Variants in OSBPL10 observed in about 807,000 individuals in gnomAD.
The protein encoded by OSBPL10 is oxysterol binding protein like 10, also known as oxysterol-binding protein-related protein 10.
In OSBPL10, 49 loss-of-function variants were observed where a neutral mutation model predicts 81.7. The ratio of observed to expected loss-of-function variants is 0.60; its 90% CI spans 0.48 to 0.76. The LOEUF is 0.76. OSBPL10 is among the 30% of genes least tolerant of loss of function. OSBPL10 has a pLI of 0.00. For synonymous variants in OSBPL10, 419 were observed against 383.6 expected, an observed-to-expected ratio of 1.09 and a Z score of -1.08; for missense variants, 923 against 987.8, an observed-to-expected ratio of 0.93 and a Z score of 0.88.
intron 4 of OSBPL10, among the ~76,000 whole-genome samples, chr3:31,812,608 G>T (rs1486894800): frequency 6.6e-6 from 1 of 151,700 alleles, no homozygotes; most frequent in African/African-American, 2.4e-5. Flanking sequence ...TTACTGTGAT[G>T]ATTTTTCTGT....
intron 2 of OSBPL10, among the ~76,000 whole-genome samples, chr3:32,034,503 G>A (rs1158872814): frequency 1.3e-5 from 2 of 151,298 alleles, no homozygotes; most frequent in Non-Finnish European, 2.9e-5. Context: ...AAAGCTCTGA[G>A]ACTTCCTAGA....
chr3:31,733,138 C>T, intron 6 of OSBPL10, 119 bp downstream of exon 6: 1 of 1,403,360 alleles, frequency 7.1e-7, no homozygotes, highest in Non-Finnish European at 9.7e-7. Context: ...GCAATTCTTC[C>T]ATTTTTTAAT....
intron 2 of OSBPL10, among the ~76,000 whole-genome samples, chr3:32,002,706 A>G (rs1699163563): frequency 6.6e-6 from 1 of 152,254 alleles, no homozygotes; most frequent in Admixed American, 6.5e-5. Context: ...TTTTAGAGAA[A>G]AAAGGTTTCT....
intron 2 of OSBPL10, among the ~76,000 whole-genome samples, chr3:31,992,054 G>A (rs1199876966): frequency 3.3e-5 from 5 of 151,310 alleles, no homozygotes; most frequent in Non-Finnish European, 7.4e-5. Context: ...GCTGAGGCAG[G>A]AGAATCACTT....
intron 1 of OSBPL10, among the ~76,000 whole-genome samples, chr3:31,968,861 G>C (rs879623537): frequency 2.6e-5 from 4 of 152,182 alleles, no homozygotes; most frequent in Non-Finnish European, 5.9e-5. Context: ...GCACTCATTA[G>C]CCAAGCTAAT....
chr3:31,893,935 G>A (rs1038276589), intron 1 of OSBPL10, among the ~76,000 whole-genome samples: 1 of 152,028 alleles, frequency 6.6e-6, no homozygotes, highest in African/African-American at 2.4e-5. Flanking sequence ...ACTGAATTGT[G>A]GTGATAGTTA....
At position 31,934,030 on chromosome 3, in the gene OSBPL10, G is replaced by A. The variant is rs1209359189; in HGVS notation, c.281+46869C>T. On this transcript the variant is annotated intron_variant, in intron 1 of 11. Transcript: ENST00000396556. ...TCCCCTACAAATTTTCAGAACAATT[G>A]TACTGTAAAGAAGGCATGAATAGGC... is the stretch of plus-strand genomic sequence containing the variant. Among the ~76,000 whole-genome samples the A allele has an allele frequency of 4.7e-5, 7 of 148,672 alleles. 1 individual carries two copies. The highest frequency in any genetic ancestry group is 7.5e-5 in the African/African-American group (3 of 40,098).
intron 3 of OSBPL10, among the ~76,000 whole-genome samples, chr3:31,872,053 T>G (rs1036759745): frequency 1.3e-5 from 2 of 152,232 alleles, no homozygotes; most frequent in Non-Finnish European, 2.9e-5. Context: ...TTTTCTTTTG[T>G]TGTTTGTGTT....
At chr3:31,961,523 TGTGTTAATA>T (rs1331303768) in intron 1 of OSBPL10, among the ~76,000 whole-genome samples, 4 of 152,266 alleles carry the variant, frequency 2.6e-5, no homozygotes, top group African/African-American at 9.6e-5. Flanking sequence ...AGAGAGTGTG[TGTGTTAATA>T]ATGTTAATAA....
rs80309348 is a variant in OSBPL10 at position 32,025,716 on chromosome 3, A to G, written n.298+20775T>C. On this transcript the variant is annotated intron_variant and non_coding_transcript_variant, in intron 2 of 3. Coordinates refer to the OSBPL10 transcript ENST00000479173. ...TATTTTTTCCAAGCCAGTAATTTACATCTTCCTAGGAATTTGTCTAATTCA... is the reference window on the plus strand; with the variant it reads ...TATTTTTTCCAAGCCAGTAATTTACGTCTTCCTAGGAATTTGTCTAATTCA... 6.3e-3 allele frequency among the ~76,000 whole-genome samples: 966 copies of G among 152,302 alleles called. 28 individuals are homozygous for G. In the East Asian group the frequency reaches 0.1, roughly 17 times the overall value.
intron 1 of OSBPL10, among the ~76,000 whole-genome samples, chr3:31,940,035 T>C (rs1697491437): frequency 6.6e-6 from 1 of 152,204 alleles, no homozygotes; most frequent in African/African-American, 2.4e-5. Context: ...CCATATATTC[T>C]TTAATAGACA....
chr3:31,674,465 T>C (rs1489906907), intron 8 of OSBPL10, among the ~76,000 whole-genome samples: 2 of 151,822 alleles, frequency 1.3e-5, no homozygotes, highest in Middle Eastern at 3.2e-3. Context: ...GAGGTTAAGA[T>C]AGGAGGATCA....
At position 31,899,510 on chromosome 3, in the gene OSBPL10, C is replaced by A. The variant is rs149132891; in HGVS notation, c.282-19680G>T. Among the ~76,000 whole-genome samples, 255 of 152,096 alleles carry A rather than the reference C, an allele frequency of 1.7e-3. 2 individuals carry two copies. Among genetic ancestry groups the A allele is most frequent in the South Asian group, 0.013 (63 of 4,812 alleles). On this transcript the variant is annotated intron_variant, in intron 1 of 11. Coordinates refer to ENST00000396556, the MANE Select transcript of OSBPL10 (RefSeq NM_017784.5). Reference sequence around the variant, plus strand: ...AAATGATATAAATGAATTAAACTTGCCAGTTAAACAACAGATACTGCAAAT... The same window carrying A: ...AAATGATATAAATGAATTAAACTTGACAGTTAAACAACAGATACTGCAAAT...
At chr3:31,809,301 C>T (rs936630110) in intron 4 of OSBPL10, among the ~76,000 whole-genome samples, 8 of 152,158 alleles carry the variant, frequency 5.3e-5, no homozygotes, top group African/African-American at 9.7e-5. Context: ...TTACAAGTCG[C>T]CCAATCAAGT....
intron 4 of OSBPL10, among the ~76,000 whole-genome samples, chr3:31,762,008 T>G (rs758205538): frequency 6.6e-6 from 1 of 151,872 alleles, no homozygotes; most frequent in African/African-American, 2.4e-5. Context: ...CAGAAAGCAA[T>G]AGGAGAAGTC....
chr3:31,861,166 G>T lies in OSBPL10; in HGVS notation c.537+15267C>A, dbSNP rs143520518. 8.5e-4 allele frequency among the ~76,000 whole-genome samples: 130 copies of T among 152,114 alleles called. 1 individual carries two copies. The highest frequency in any genetic ancestry group is 2.8e-3 in the African/African-American group (118 of 41,518). On this transcript the variant is annotated intron_variant, in intron 3 of 11. Coordinates refer to ENST00000396556, the MANE Select transcript of OSBPL10 (RefSeq NM_017784.5). ...GTTTTTAATCAATGTGTTTATTTTT[G>T]ATTTTCATTGGGTCAGTTTGGGGGT...
At chr3:31,790,003 A>G (rs1484345916) in intron 4 of OSBPL10, among the ~76,000 whole-genome samples, 1 of 152,028 alleles carries the variant, frequency 6.6e-6, no homozygotes, top group African/African-American at 2.4e-5. Flanking sequence ...CATAACATTA[A>G]TTTTTAAGAA....
At chr3:32,030,336 C>T (rs2125551720) in intron 2 of OSBPL10, 2 of 493,482 alleles carry the variant, frequency 4.1e-6, no homozygotes, top group East Asian at 4.4e-5. Flanking sequence ...GAATGGGCGC[C>T]GTTCAAAAAG....
chr3:31,746,779 C>A (rs1342501924), intron 5 of OSBPL10, among the ~76,000 whole-genome samples: 1 of 132,504 alleles, frequency 7.5e-6, no homozygotes, highest in African/African-American at 2.9e-5. Context: ...ACAATGAGAA[C>A]ACATGGACAC....
Sources: allele counts gnomAD v4.1 joint callset (sites outside exome capture counted in the v4.1 genomes callset), GRCh38; gene constraint gnomAD v4.1.1; transcripts MANE v1.5; gene names NCBI Gene and HGNC (gene_info 2026-07-23, HGNC 2026-07-21).